The following MARCHF1 variants were observed in gnomAD, a reference collection of about 807,000 sequenced individuals.
MARCHF1 encodes E3 ubiquitin-protein ligase MARCHF1.
In MARCHF1, 40 loss-of-function variants were observed where a neutral mutation model predicts 54.2. The ratio of observed to expected loss-of-function variants is 0.74; its 90% CI spans 0.57 to 0.96. The LOEUF is 0.96. Ranked by LOEUF, MARCHF1 falls within the 40% of genes least tolerant of loss-of-function variation. MARCHF1 has a pLI of 0.00. For missense variants in MARCHF1, 586 were observed against 656.5 expected (o/e 0.89, Z 1.17); for synonymous variants, 236 against 236.3 (o/e 1.00, Z 0.01).
At chr4:164,138,280 T>C (rs1361024962) in intron 1 of MARCHF1, among the ~76,000 whole-genome samples, 1 of 151,340 alleles carries the variant, frequency 6.6e-6, no homozygotes, top group East Asian at 1.9e-4. Context: ...TCCTGGAAAA[T>C]AGAACACTTC....
chr4:163,926,965 C>A (rs563799526), intron 3 of MARCHF1, among the ~76,000 whole-genome samples: 59 of 151,560 alleles, frequency 3.9e-4, no homozygotes, highest in Middle Eastern at 3.4e-3. Flanking sequence ...ACTAAAAATA[C>A]TAGTTTTTAT....
chr4:163,594,437 T>C (rs1740693013), intron 7 of MARCHF1, among the ~76,000 whole-genome samples: 1 of 151,856 alleles, frequency 6.6e-6, no homozygotes, highest in African/African-American at 2.4e-5. Context: ...TAGGGAGATA[T>C]CATGCTGAAA....
chr4:164,074,851 T>A (rs538744562), intron 2 of MARCHF1, among the ~76,000 whole-genome samples: 201 of 151,296 alleles, frequency 1.3e-3, no homozygotes, highest in African/African-American at 4.8e-3. Context: ...TCATAAAAAA[T>A]TTTATCTGAA....
chr4:163,723,117 C>A (rs1196018797), intron 4 of MARCHF1, among the ~76,000 whole-genome samples: 1 of 152,164 alleles, frequency 6.6e-6, no homozygotes, highest in Non-Finnish European at 1.5e-5. Context: ...TTCTTCCTAG[C>A]CTCAGTGGTC....
In MARCHF1 at chr4:163,665,322, C is replaced by T. The variant is rs1042422364; in HGVS notation, c.162+35491G>A. Among the ~76,000 whole-genome samples the T allele has an allele frequency of 4.6e-5, 7 of 151,932 alleles. No homozygotes were observed. The South Asian group carries it at 1.2e-3, about 27-fold the overall frequency. ...CAAGGATATGATTGAAGAGAGATGC[C>T]GAAAATGCTGCCAAAAATGGGATCT... On this transcript the variant is annotated intron_variant, in intron 5 of 9. Transcript: ENST00000514618.
chr4:164,145,004 C>T (rs1386594028), intron 1 of MARCHF1, among the ~76,000 whole-genome samples: 2 of 134,514 alleles, frequency 1.5e-5, no homozygotes, highest in Admixed American at 7.8e-5. Context: ...CCACCGATCC[C>T]ACAGAAATAC....
chr4:164,082,586 G>T (rs1755122836), intron 2 of MARCHF1, among the ~76,000 whole-genome samples: 1 of 152,070 alleles, frequency 6.6e-6, no homozygotes, highest in African/African-American at 2.4e-5. Flanking sequence ...ATATACAAAT[G>T]TTATCTGTAT....
chr4:164,335,788 G>T (rs1024175191), intron 1 of MARCHF1, among the ~76,000 whole-genome samples: 1 of 152,082 alleles, frequency 6.6e-6, no homozygotes, highest in Admixed American at 6.6e-5. Context: ...TGGACATAAT[G>T]CTATAAATAT....
At chr4:164,058,976 G>C (rs567789399) in intron 2 of MARCHF1, among the ~76,000 whole-genome samples, 1 of 152,106 alleles carries the variant, frequency 6.6e-6, no homozygotes, top group Non-Finnish European at 1.5e-5. Context: ...TTAAAGTCTG[G>C]CTTGGCATAG....
intron 2 of MARCHF1, among the ~76,000 whole-genome samples, chr4:164,004,248 T>C (rs1753242348): frequency 6.6e-6 from 1 of 151,154 alleles, no homozygotes; most frequent in African/African-American, 2.4e-5. Flanking sequence ...TTTACATACA[T>C]ATATATATAT....
At chr4:163,962,557 C>T (rs973658645) in intron 3 of MARCHF1, among the ~76,000 whole-genome samples, 1 of 151,688 alleles carries the variant, frequency 6.6e-6, no homozygotes, top group African/African-American at 2.4e-5. Flanking sequence ...TTATTGTATC[C>T]GTATTGTGTA....
chr4:163,862,530 T>A (rs1398132948), intron 3 of MARCHF1, among the ~76,000 whole-genome samples: 1 of 152,058 alleles, frequency 6.6e-6, no homozygotes, highest in African/African-American at 2.4e-5. Context: ...TTAGAGTGGC[T>A]AAAATGCAAC....
At chr4:164,216,615 T>C (rs1731942226) in intron 1 of MARCHF1, among the ~76,000 whole-genome samples, 1 of 152,230 alleles carries the variant, frequency 6.6e-6, no homozygotes, top group Non-Finnish European at 1.5e-5. Flanking sequence ...TTTCTTGGAT[T>C]AGATTAATTA....
intron 4 of MARCHF1, among the ~76,000 whole-genome samples, chr4:163,760,164 C>A (rs986744098): frequency 7.2e-5 from 11 of 152,162 alleles, no homozygotes; most frequent in African/African-American, 2.4e-4. Flanking sequence ...GCCTGTGTCT[C>A]CCTTCCATCT....
At chr4:164,127,173 T>C (rs187122439) in intron 1 of MARCHF1, among the ~76,000 whole-genome samples, 39 of 152,324 alleles carry the variant, frequency 2.6e-4, no homozygotes, top group African/African-American at 9.1e-4. Flanking sequence ...TCTGTCCTCG[T>C]GTTTTGTGGA....
At chr4:164,162,523 C>T (rs1730265291) in intron 1 of MARCHF1, among the ~76,000 whole-genome samples, 1 of 152,074 alleles carries the variant, frequency 6.6e-6, no homozygotes, top group South Asian at 2.1e-4. Context: ...AATCAGTGCC[C>T]AAACTCACTG....
chr4:164,153,851 A>G (rs1730007926), intron 1 of MARCHF1, among the ~76,000 whole-genome samples: 1 of 152,204 alleles, frequency 6.6e-6, no homozygotes, highest in South Asian at 2.1e-4. Context: ...TACATATATA[A>G]CAATGTATAC....
At chr4:163,933,322 C>A in intron 3 of MARCHF1, 1 of 541,362 alleles carries the variant, frequency 1.8e-6, no homozygotes, top group Non-Finnish European at 3.5e-6. Flanking sequence ...CCTTATTCCA[C>A]TTGGATTTCC....
chr4:163,988,011 G>A (rs1752902486), intron 3 of MARCHF1, among the ~76,000 whole-genome samples: 1 of 152,302 alleles, frequency 6.6e-6, no homozygotes, highest in East Asian at 1.9e-4. Context: ...AGTGCAAATA[G>A]ATCTTATGAG....
Sources: gnomAD v4.1 joint callset for allele counts (sites outside exome capture counted in the v4.1 genomes callset) on GRCh38, gnomAD v4.1.1 for gene constraint, MANE v1.5 for transcripts, NCBI Gene and HGNC (gene_info 2026-07-23, HGNC 2026-07-21) for gene names.